Variants in CC2D1A observed in about 807,000 individuals in gnomAD.
The protein encoded by CC2D1A is coiled-coil and C2 domain containing 1A.
In CC2D1A, 68 loss-of-function variants were observed where a neutral mutation model predicts 123.8. That is an observed-to-expected ratio of 0.55 (90% CI 0.45 to 0.67). The LOEUF (loss-of-function observed/expected upper bound fraction) is 0.67. Among genes scored for constraint, CC2D1A ranks in the 30% least tolerant of loss-of-function variants. The pLI, the probability that CC2D1A is intolerant of heterozygous loss-of-function variation, is 0.00. For missense variants in CC2D1A, 1,185 were observed against 1,290.3 expected, an observed-to-expected ratio of 0.92 and a Z score of 1.25; for synonymous variants, 477 against 528.0, an observed-to-expected ratio of 0.90 and a Z score of 1.32.
At chr19:13,907,963 C>G (rs762861261) in intron 1 of CC2D1A, among the ~76,000 whole-genome samples, 13 of 152,100 alleles carry the variant, frequency 8.5e-5, no homozygotes, top group Non-Finnish European at 1.8e-4. Context: ...GATAGGAAGA[C>G]GGGTCTGCAT....
chr19:13,918,261 A>G, intron 7 of CC2D1A, 67 bp downstream of exon 7: 1 of 1,456,766 alleles, frequency 6.9e-7, no homozygotes, highest in Non-Finnish European at 9.1e-7. Context: ...GCCTGGTGGC[A>G]AAGCACCCAA....
Position 13,919,844 on chromosome 19 carries a change from G to A in CC2D1A, c.1249G>A (p.Ala417Thr). Reference protein sequence around the residue: ...PGFPPIQGLEATKPTQQSLVG... With the variant: ...PGFPPIQGLETTKPTQQSLVG... ...CTTCCCCCCAATCCAGGGCCTGGAG[G>A]CCACCAAGCCCACCCAGCAGAGTCT... The change falls in exon 12 of 29, where the codon GCC (alanine) becomes ACC (threonine). Residue 417 changes from alanine (A) to threonine (T), a missense_variant. Coordinates refer to ENST00000318003, the MANE Select transcript of CC2D1A (RefSeq NM_017721.5). 6.2e-7 allele frequency: 1 copy of A among 1,609,534 alleles called. No individual in the cohort carries two copies. Among genetic ancestry groups the A allele is most frequent in the Non-Finnish European group, 8.5e-7 (1 of 1,177,514 alleles).
intron 11 of CC2D1A, 60 bp downstream of exon 11, chr19:13,919,262 C>G (rs1322494848): frequency 2.2e-6 from 3 of 1,356,820 alleles, no homozygotes; most frequent in Non-Finnish European, 3.0e-6. Context: ...GCCCCGCCCC[C>G]AGAGGCCCCG....
At position 13,923,895 on chromosome 19, in the gene CC2D1A, G is replaced by A. The variant is rs1971502350; in HGVS notation, c.1940+84G>A. 2 of 1,012,386 alleles carry A rather than the reference G, an allele frequency of 2.0e-6. No homozygotes were observed. The highest frequency in any genetic ancestry group is 3.1e-6 in the Non-Finnish European group (2 of 653,242). 62.7% of individuals were successfully genotyped at this position (1,012,386 alleles called of 1,614,324 possible). A position where few individuals can be genotyped will look rare whatever the true frequency, so the allele number is the denominator to read the frequency against. On this transcript the variant is annotated intron_variant, in intron 17 of 28. Coordinates refer to ENST00000318003, the MANE Select transcript of CC2D1A (RefSeq NM_017721.5). This position sits in a 1 kb window ranked among gnomAD's most constrained non-coding sequence, Gnocchi z 5.3. ...GGCGGGTTGTGCTCCCCAGAAGCTG[G>A]CACAAGATTTACATCTGGAAGAAAT...
Position 13,930,334 on chromosome 19 carries a change from G to T in CC2D1A, c.2836-41G>T. On this transcript the variant is annotated intron_variant, in intron 28 of 28. Coordinates refer to ENST00000318003, the MANE Select transcript of CC2D1A (RefSeq NM_017721.5). The surrounding 1 kb of genome is among the most constrained non-coding windows in gnomAD (Gnocchi z 6.8). ...GGGTGGTTGGGGGATCACTGTGGTCGTAGCCCACCTCCATGACCCCAGTGG... is the reference window on the plus strand; with the variant it reads ...GGGTGGTTGGGGGATCACTGTGGTCTTAGCCCACCTCCATGACCCCAGTGG... The T allele has an allele frequency of 6.2e-7, 1 of 1,613,750 alleles. No individual in the cohort carries two copies. Among genetic ancestry groups the T allele is most frequent in the South Asian group, 1.1e-5 (1 of 91,088 alleles).
chr19:13,915,348 T>G (rs567261878), intron 6 of CC2D1A, among the ~76,000 whole-genome samples: 27 of 152,270 alleles, frequency 1.8e-4, no homozygotes, highest in African/African-American at 6.3e-4. Context: ...CAGGTTCAAG[T>G]GATTCACCTG....
chr19:13,924,662 G>T (rs891097056), intron 17 of CC2D1A, among the ~76,000 whole-genome samples: 1 of 152,128 alleles, frequency 6.6e-6, no homozygotes, highest in Non-Finnish European at 1.5e-5. Context: ...TAGAGACGGG[G>T]TTTCATTCAG....
At chr19:13,918,417 C>T (rs1481265792) in intron 7 of CC2D1A, 87 bp from the exon 8 acceptor site, 63 of 1,323,748 alleles carry the variant, frequency 4.8e-5, no homozygotes, top group Non-Finnish European at 6.4e-5. Flanking sequence ...TAGAAGTCCT[C>T]GGTGGCATGG....
chr19:13,927,886 C>G lies in CC2D1A; in HGVS notation c.2317-7C>G, dbSNP rs760941632. 2.5e-6 allele frequency: 4 copies of G among 1,613,120 alleles called. No homozygotes were observed. The highest frequency in any genetic ancestry group is 3.4e-6 in the Non-Finnish European group (4 of 1,179,880). Reference sequence around the variant, plus strand: ...CCCACCAACAGTTTCTCCTTACCCCCACCCAGGTCCTGGATGGTCGCCGGC... The same window carrying G: ...CCCACCAACAGTTTCTCCTTACCCCGACCCAGGTCCTGGATGGTCGCCGGC... On this transcript the variant is annotated splice_region_variant and splice_polypyrimidine_tract_variant and intron_variant, in intron 22 of 28. Transcript: ENST00000318003.
intron 2 of CC2D1A, among the ~76,000 whole-genome samples, chr19:13,911,585 GC>G (rs374212197): frequency 2.5e-4 from 34 of 136,474 alleles, no homozygotes; most frequent in African/African-American, 9.1e-4. Flanking sequence ...TTGCTCTGTT[GC>G]CCAGGCTGCA....
At chr19:13,910,906 GT>G (rs1352402041) in intron 2 of CC2D1A, among the ~76,000 whole-genome samples, 1 of 151,896 alleles carries the variant, frequency 6.6e-6, no homozygotes, top group Non-Finnish European at 1.5e-5. Context: ...GCAAGATCCT[GT>G]TTCCAAAAAA....
intron 11 of CC2D1A, 39 bp from the exon 12 acceptor site, chr19:13,919,779 T>A: frequency 1.3e-6 from 2 of 1,557,198 alleles, no homozygotes; most frequent in South Asian, 2.3e-5. Context: ...TTGGTCTCCA[T>A]CCTGACACAC....
At chr19:13,912,820 T>G (rs1011787937) in intron 4 of CC2D1A, among the ~76,000 whole-genome samples, 5 of 152,120 alleles carry the variant, frequency 3.3e-5, no homozygotes, top group African/African-American at 1.2e-4. Flanking sequence ...GCCTGGCTAA[T>G]TTTTGTATTT....
At position 13,927,018 on chromosome 19, in the gene CC2D1A, C is replaced by G. The variant is rs772805522; in HGVS notation, c.2166C>G (p.His722Gln). Residue 722 changes from histidine (H) to glutamine (Q), a missense_variant, in exon 21 of 29, where the codon CAC becomes CAG. His to Gln is a conservative substitution (Grantham distance 24, BLOSUM62 0). Coordinates refer to ENST00000318003, the MANE Select transcript of CC2D1A (RefSeq NM_017721.5). ...TCAAACTCTGCATCAACCGCAGCCA[C>G]CGTGGCTTCCGAAGGGCCATCCAGA... ...EQFKLCINRSHRGFRRAIQTK... is the reference protein window; with the variant it reads ...EQFKLCINRSQRGFRRAIQTK... 2.4e-5 allele frequency: 38 copies of G among 1,614,040 alleles called. No homozygotes were observed. Among genetic ancestry groups the G allele is most frequent in the Non-Finnish European group, 3.2e-5 (38 of 1,180,046 alleles).
At position 13,918,661 on chromosome 19, in the gene CC2D1A, G is replaced by A. The variant is rs946537888; in HGVS notation, c.946+85G>A. 5.1e-6 allele frequency: 8 copies of A among 1,581,320 alleles called. No individual in the cohort carries two copies. The African/African-American group carries it at 8.1e-5, about 16-fold the overall frequency. ...TGATGCTGCCACCCCTGTTGGTCAG[G>A]CCCAGAGACCACCCTCAGGCCAGAC... is the stretch of plus-strand genomic sequence containing the variant. On this transcript the variant is annotated intron_variant, in intron 8 of 28. Coordinates refer to ENST00000318003, the MANE Select transcript of CC2D1A (RefSeq NM_017721.5).
Position 13,913,449 on chromosome 19 carries a change from G to A in CC2D1A, c.559G>A (p.Asp187Asn), listed in dbSNP as rs1340033935. Residue 187 changes from aspartate to asparagine, a missense_variant, in exon 6 of 29, where the codon GAC becomes AAC. By Grantham distance (23) the Asp-to-Asn change is conservative. Coordinates refer to ENST00000318003, the MANE Select transcript of CC2D1A (RefSeq NM_017721.5). ...CTCCATCCGTAAGGGCAATGCCATT[G>A]ACGAAGCGGACATCCCGCCGCCAGT... ...LASIRKGNAI[D>N]EADIPPPVAI... is the part of the protein sequence containing the mutation. 1.2e-6 allele frequency: 2 copies of A among 1,614,226 alleles called. No homozygotes were observed. Among genetic ancestry groups the A allele is most frequent in the Admixed American group, 1.7e-5 (1 of 60,024 alleles).
Position 13,919,825 on chromosome 19 carries a change from C to G in CC2D1A, c.1230C>G (p.Pro410=). The stretch of plus-strand genomic sequence containing the variant: ...CCTCGACTGGCCACCCAGGCTTCCC[C>G]CCAATCCAGGGCCTGGAGGCCACCA... The part of the protein sequence containing the change: ...VAELPVPPGF[P]PIQGLEATKP... Residue 410 remains proline (P), a synonymous_variant, in exon 12 of 29, where the codon CCC becomes CCG. Coordinates refer to ENST00000318003, the MANE Select transcript of CC2D1A (RefSeq NM_017721.5). The G allele has an allele frequency of 6.2e-7, 1 of 1,602,214 alleles. No homozygotes were observed. The highest frequency in any genetic ancestry group is 8.5e-7 in the Non-Finnish European group (1 of 1,172,212).
In CC2D1A at chr19:13,929,540, G is replaced by A; in HGVS notation, c.2590G>A (p.Ala864Thr). ...DQERLERKIL[A>T]LRQARRPVPP... ...GACCCTCTGTATCCTCTAGATCCTGGCCCTCAGGCAGGCGCGGCGGCCGGT... is the reference window on the plus strand; with the variant it reads ...GACCCTCTGTATCCTCTAGATCCTGACCCTCAGGCAGGCGCGGCGGCCGGT... Residue 864 changes from alanine (A) to threonine (T), a missense_variant, in exon 26 of 29, where the codon GCC (alanine) becomes ACC (threonine). Physicochemically the swap from Ala to Thr is moderately conservative, Grantham distance 58 (BLOSUM62 0). Coordinates refer to ENST00000318003, the MANE Select transcript of CC2D1A (RefSeq NM_017721.5). The A allele has an allele frequency of 6.2e-7, 1 of 1,611,918 alleles. No individual in the cohort carries two copies. Among genetic ancestry groups the A allele is most frequent in the Non-Finnish European group, 8.5e-7 (1 of 1,179,772 alleles).
intron 9 of CC2D1A, 27 bp downstream of exon 9, chr19:13,918,844 G>A (rs1478216898): frequency 6.2e-7 from 1 of 1,611,512 alleles, no homozygotes; most frequent in Non-Finnish European, 8.5e-7. Flanking sequence ...TCTGGGGTTG[G>A]GGGCAGGCTG....
Sources: allele counts gnomAD v4.1 joint callset (sites outside exome capture counted in the v4.1 genomes callset), GRCh38; gene constraint gnomAD v4.1.1; non-coding constraint Gnocchi (gnomAD v3.1); transcripts MANE v1.5; gene names NCBI Gene and HGNC (gene_info 2026-07-23, HGNC 2026-07-21).